The following NRXN3 variants were observed in gnomAD, a reference collection of about 807,000 sequenced individuals.
NRXN3 encodes neurexin 3.
In NRXN3, 32 loss-of-function variants were observed where a neutral mutation model predicts 137.6. The observed-to-expected ratio is 0.23, with a 90% CI of 0.18 to 0.31. NRXN3 has a LOEUF of 0.31. Ranked by LOEUF, NRXN3 falls within the 10% of genes least tolerant of loss-of-function variation. NRXN3 has a pLI of 1.00. For synonymous variants in NRXN3, 798 were observed against 784.5 expected, an observed-to-expected ratio of 1.02 and a Z score of -0.29; for missense variants, 1,574 against 2,062.5, an observed-to-expected ratio of 0.76 and a Z score of 4.59.
chr14:79,721,729 G>A (rs545069419), intron 19 of NRXN3, among the ~76,000 whole-genome samples: 2 of 152,122 alleles, frequency 1.3e-5, no homozygotes, highest in South Asian at 4.2e-4. Context: ...TAAATCAAGG[G>A]GGTAAACATT....
chr14:78,907,052 G>A (rs1280545627), intron 10 of NRXN3, among the ~76,000 whole-genome samples: 1 of 151,974 alleles, frequency 6.6e-6, no homozygotes, highest in Admixed American at 6.6e-5. Context: ...GGCAGACAAA[G>A]AAACTACCCC....
At chr14:78,314,410 A>T (rs2153547852) in intron 4 of NRXN3, among the ~76,000 whole-genome samples, 1 of 152,132 alleles carries the variant, frequency 6.6e-6, no homozygotes, top group South Asian at 2.1e-4. Context: ...GAAGTGGGGG[A>T]TCTCTACTCC....
chr14:78,215,771 T>TGGGG lies in NRXN3; in HGVS notation c.-703-26615_-703-26612dup, dbSNP rs111862109. Among the ~76,000 whole-genome samples, 5 of 109,578 alleles carry TGGGG rather than the reference T, an allele frequency of 4.6e-5. 1 individual carries two copies. The South Asian group carries it at 1.2e-3, about 26-fold the overall frequency. 71.9% of individuals were successfully genotyped at this position (109,578 alleles called of 152,430 possible). ...GGGTTTCGTTTGTGCTGCAGGGGGG[T>TGGGG]GGGGGGGGCAGGGGTTAGTTTGTGC... On this transcript the variant is annotated intron_variant, in intron 1 of 20. Transcript: ENST00000335750.
At chr14:78,599,861 G>A (rs1201641956) in intron 4 of NRXN3, among the ~76,000 whole-genome samples, 4 of 152,230 alleles carry the variant, frequency 2.6e-5, no homozygotes. Context: ...TGAAAAGCTT[G>A]CTGCCTGGTG....
chr14:79,417,801 C>T (rs950505754), intron 15 of NRXN3, among the ~76,000 whole-genome samples: 2 of 151,956 alleles, frequency 1.3e-5, no homozygotes, highest in Admixed American at 1.3e-4. Flanking sequence ...GTTCAATCCC[C>T]ATGCTCAAAA....
chr14:79,025,468 T>G (rs1458262155), intron 15 of NRXN3, among the ~76,000 whole-genome samples: 1 of 152,150 alleles, frequency 6.6e-6, no homozygotes, highest in African/African-American at 2.4e-5. Context: ...TCACTGCGTG[T>G]GTTCCCCCGA....
chr14:78,911,309 G>C (rs1051920824), intron 10 of NRXN3, among the ~76,000 whole-genome samples: 4 of 152,110 alleles, frequency 2.6e-5, no homozygotes, highest in African/African-American at 9.7e-5. Context: ...ATCATCAACT[G>C]AATAATTCAT....
chr14:78,342,654 C>T (rs1331169924), intron 4 of NRXN3, among the ~76,000 whole-genome samples: 3 of 152,132 alleles, frequency 2.0e-5, no homozygotes, highest in Non-Finnish European at 2.9e-5. Context: ...ATAGCTAATA[C>T]ATTGGTGTTC....
intron 15 of NRXN3, among the ~76,000 whole-genome samples, chr14:79,200,819 G>C (rs1176299943): frequency 7.9e-6 from 1 of 126,496 alleles, no homozygotes; most frequent in Admixed American, 8.9e-5. Context: ...TTGCTCTCCT[G>C]TGAGCTGTAT....
intron 1 of NRXN3, among the ~76,000 whole-genome samples, chr14:78,223,298 T>C (rs997843942): frequency 2.0e-5 from 3 of 152,254 alleles, no homozygotes; most frequent in Non-Finnish European, 2.9e-5. Flanking sequence ...AATAGTCTGA[T>C]GCTTCTAAAA....
intron 19 of NRXN3, among the ~76,000 whole-genome samples, chr14:79,706,587 G>A (rs1375148274): frequency 6.6e-6 from 1 of 151,800 alleles, no homozygotes; most frequent in East Asian, 1.9e-4. Flanking sequence ...AGCGAGATCT[G>A]CTCTCTTATC....
intron 8 of NRXN3, among the ~76,000 whole-genome samples, chr14:78,743,726 A>G (rs1002806129): frequency 6.6e-6 from 1 of 152,224 alleles, no homozygotes; most frequent in African/African-American, 2.4e-5. Flanking sequence ...GAAAAGCAAG[A>G]ACGAGGTTGT....
At chr14:79,277,324 T>C (rs2080442236) in intron 15 of NRXN3, among the ~76,000 whole-genome samples, 1 of 152,068 alleles carries the variant, frequency 6.6e-6, no homozygotes, top group African/African-American at 2.4e-5. Flanking sequence ...GCTGAAGCAT[T>C]AGAGTTAAGC....
chr14:78,522,059 A>G (rs1339368387), intron 4 of NRXN3, among the ~76,000 whole-genome samples: 2 of 152,158 alleles, frequency 1.3e-5, no homozygotes, highest in East Asian at 3.9e-4. Flanking sequence ...TTCAAAGTAG[A>G]GCATTTCTTA....
chr14:79,422,668 A>G (rs1020829310), intron 15 of NRXN3, among the ~76,000 whole-genome samples: 1 of 151,106 alleles, frequency 6.6e-6, no homozygotes. Flanking sequence ...TAGATTGAGC[A>G]TGCAATTCTA....
At chr14:79,506,000 G>T (rs1215097422) in intron 16 of NRXN3, among the ~76,000 whole-genome samples, 3 of 152,162 alleles carry the variant, frequency 2.0e-5, no homozygotes, top group Non-Finnish European at 4.4e-5. Context: ...AGCTCAGGTT[G>T]TTGTCAGATT....
At chr14:79,782,109 T>C (rs1022423728) in intron 19 of NRXN3, among the ~76,000 whole-genome samples, 2 of 152,202 alleles carry the variant, frequency 1.3e-5, no homozygotes, top group African/African-American at 2.4e-5. Flanking sequence ...CCTGCACTAA[T>C]GCTCGAAGTA....
intron 10 of NRXN3, among the ~76,000 whole-genome samples, chr14:78,903,188 A>C (rs1597196280): frequency 7.9e-6 from 1 of 127,078 alleles, no homozygotes; most frequent in African/African-American, 3.3e-5. Context: ...TTGATCTTTC[A>C]CCCAGGTTGG....
At chr14:79,581,270 C>T (rs1373979362) in intron 16 of NRXN3, among the ~76,000 whole-genome samples, 4 of 152,170 alleles carry the variant, frequency 2.6e-5, no homozygotes, top group East Asian at 1.9e-4. Context: ...GGATAAGCTT[C>T]CTTACTGCTT....
Sources: allele counts gnomAD v4.1 joint callset (sites outside exome capture counted in the v4.1 genomes callset), GRCh38; gene constraint gnomAD v4.1.1; transcripts MANE v1.5; gene names NCBI Gene and HGNC (gene_info 2026-07-23, HGNC 2026-07-21).